The following EPHA7 variants were observed in gnomAD, a reference collection of about 807,000 sequenced individuals.
The protein encoded by EPHA7 is ephrin type-A receptor 7.
In EPHA7, 25 loss-of-function variants were observed where a neutral mutation model predicts 112.6. The ratio of observed to expected loss-of-function variants is 0.22; its 90% confidence interval spans 0.16 to 0.31. EPHA7 has a LOEUF of 0.31. Among genes scored for constraint, EPHA7 ranks in the 10% least tolerant of loss-of-function variants. EPHA7 has a pLI of 1.00. For synonymous variants in EPHA7, 437 were observed against 406.5 expected (o/e 1.07, Z -0.90); for missense variants, 962 against 1,212.6 (o/e 0.79, Z 3.07).
At chr6:93,369,871 T>A (rs535719001) in intron 3 of EPHA7, among the ~76,000 whole-genome samples, 4 of 152,172 alleles carry the variant, frequency 2.6e-5, no homozygotes, top group Non-Finnish European at 1.5e-5. Context: ...GTTAATTCAC[T>A]GACACCACTT....
intron 5 of EPHA7, among the ~76,000 whole-genome samples, chr6:93,303,418 T>A (rs886879236): frequency 2.0e-5 from 3 of 151,792 alleles, no homozygotes; most frequent in African/African-American, 7.3e-5. Flanking sequence ...GGGAAGGGGG[T>A]AGATAGAAAA....
At chr6:93,403,383 A>G (rs1375005905) in intron 3 of EPHA7, among the ~76,000 whole-genome samples, 1 of 151,552 alleles carries the variant, frequency 6.6e-6, no homozygotes, top group Non-Finnish European at 1.5e-5. Flanking sequence ...CACAAGGCTT[A>G]GCTGTTTAAA....
intron 3 of EPHA7, among the ~76,000 whole-genome samples, chr6:93,359,841 G>C (rs933677154): frequency 7.8e-6 from 1 of 128,548 alleles, no homozygotes; most frequent in Non-Finnish European, 1.7e-5. Flanking sequence ...TAGATCCATC[G>C]ATCAATAGAT....
chr6:93,333,417 T>C (rs1381392462), intron 5 of EPHA7, among the ~76,000 whole-genome samples: 1 of 151,956 alleles, frequency 6.6e-6, no homozygotes, highest in Non-Finnish European at 1.5e-5. Flanking sequence ...ATGGAATTGT[T>C]GGATCAAATG....
In EPHA7 at chr6:93,307,154, G is replaced by T. The variant is rs1036098444; in HGVS notation, c.1325-34732C>A. ...TCTTTATAAAGAATATTTAAATAAT[G>T]ATACCAATTATTGCATCAACCAAAT... is the stretch of plus-strand genomic sequence containing the variant. On this transcript the variant is annotated intron_variant, in intron 5 of 16. Coordinates refer to ENST00000369303, the MANE Select transcript of EPHA7 (RefSeq NM_004440.4). 1.9e-3 allele frequency among the ~76,000 whole-genome samples: 290 copies of T among 151,838 alleles called. 3 individuals are homozygous for T. The highest frequency in any genetic ancestry group is 6.8e-3 in the African/African-American group (280 of 41,464).
chr6:93,261,949 C>T (rs1412662170), intron 9 of EPHA7, among the ~76,000 whole-genome samples: 1 of 151,312 alleles, frequency 6.6e-6, no homozygotes, highest in Non-Finnish European at 1.5e-5. Flanking sequence ...CATTAACCTG[C>T]AAGTTAAAAG....
At chr6:93,246,754 A>G (rs1219189303) in intron 15 of EPHA7, 38 bp downstream of exon 15, 1 of 1,534,708 alleles carries the variant, frequency 6.5e-7, no homozygotes, top group Admixed American at 1.7e-5. Context: ...TTACTATTGT[A>G]ATTTCTCCCA....
In EPHA7 at chr6:93,264,714, G is replaced by A. The variant is rs757881390; in HGVS notation, c.1634-12C>T. 1 of 1,536,102 alleles carries A rather than the reference G, an allele frequency of 6.5e-7. No homozygotes were observed. Among genetic ancestry groups the A allele is most frequent in the Non-Finnish European group, 8.9e-7 (1 of 1,126,792 alleles). ...GGAGACAGCTGTAGCTGTAAACAGA[G>A]GAAATAGGCTCAGAAATACTTGACA... On this transcript the variant is annotated splice_polypyrimidine_tract_variant and intron_variant, in intron 7 of 16. Transcript: ENST00000369303.
chr6:93,409,905 T>C (rs1778892787), intron 3 of EPHA7: 1 of 81,438 alleles, frequency 1.2e-5, no homozygotes, highest in Non-Finnish European at 2.2e-5. Context: ...TGGTACTTAG[T>C]CCAAAAAAAA....
intron 9 of EPHA7, among the ~76,000 whole-genome samples, chr6:93,261,199 T>G (rs1237999429): frequency 6.6e-6 from 1 of 151,618 alleles, no homozygotes; most frequent in Non-Finnish European, 1.5e-5. Context: ...ACTAAATTCC[T>G]CCATTGTGTT....
intron 5 of EPHA7, among the ~76,000 whole-genome samples, chr6:93,309,216 T>C (rs1773409868): frequency 6.6e-6 from 1 of 152,232 alleles, no homozygotes; most frequent in South Asian, 2.1e-4. Context: ...CCCAAAGGGC[T>C]GGGATTGCAG....
chr6:93,374,690 C>T (rs2127963880), intron 3 of EPHA7, among the ~76,000 whole-genome samples: 1 of 152,286 alleles, frequency 6.6e-6, no homozygotes, highest in East Asian at 1.9e-4. Context: ...TGGAGCCAAA[C>T]ACCTTGAGTT....
intron 5 of EPHA7, among the ~76,000 whole-genome samples, chr6:93,298,715 A>T (rs752002251): frequency 1.3e-5 from 2 of 152,188 alleles, no homozygotes; most frequent in Non-Finnish European, 2.9e-5. Context: ...GAAAACCAAA[A>T]GACAATGCTC....
At chr6:93,327,862 G>GT (rs371186868) in intron 5 of EPHA7, among the ~76,000 whole-genome samples, 169 of 151,594 alleles carry the variant, frequency 1.1e-3, no homozygotes, top group African/African-American at 4.0e-3. Context: ...TAATGAGATG[G>GT]TTATGAAAGT....
At position 93,386,615 on chromosome 6, in the gene EPHA7, T is replaced by A. The variant is rs115197362; in HGVS notation, c.832+23886A>T. On this transcript the variant is annotated intron_variant, in intron 3 of 16. Transcript: ENST00000369303. ...CCAGCTCCACTAGGCAATGCCCCAGTGGGGAGTCTGTGTGGGAGCTCCAGT... is the reference window on the plus strand; with the variant it reads ...CCAGCTCCACTAGGCAATGCCCCAGAGGGGAGTCTGTGTGGGAGCTCCAGT... 4.1e-3 allele frequency among the ~76,000 whole-genome samples: 630 copies of A among 152,228 alleles called. 3 individuals carry two copies. Among genetic ancestry groups the A allele is most frequent in the African/African-American group, 0.014 (589 of 41,520 alleles).
At position 93,352,012 on chromosome 6, in the gene EPHA7, C is replaced by A. The variant is rs564150353; in HGVS notation, c.1324+4705G>T. ...TGTCATCTAATATCAAATAATAAGT[C>A]TTTTCTATTAATGCCTTAATGGTTT... On this transcript the variant is annotated intron_variant, in intron 5 of 16. Transcript: ENST00000369303. Among the ~76,000 whole-genome samples the A allele has an allele frequency of 5.6e-3, 849 of 152,086 alleles. 4 individuals carry two copies. The highest frequency in any genetic ancestry group is 0.01 in the Middle Eastern group (3 of 294).
At chr6:93,282,525 G>A (rs138027995) in intron 5 of EPHA7, among the ~76,000 whole-genome samples, 4,273 of 152,336 alleles carry the variant, frequency 0.028, 78 homozygotes, top group Middle Eastern at 0.054. Context: ...GCGCCTCCTC[G>A]GCCTTGGCGC....
intron 3 of EPHA7, among the ~76,000 whole-genome samples, chr6:93,373,017 T>C (rs1169324339): frequency 2.0e-5 from 3 of 151,990 alleles, no homozygotes; most frequent in Non-Finnish European, 4.4e-5. Context: ...CAATTTAGAG[T>C]GCATATGTCT....
At chr6:93,299,361 A>G (rs1383912362) in intron 5 of EPHA7, among the ~76,000 whole-genome samples, 2 of 151,488 alleles carry the variant, frequency 1.3e-5, no homozygotes, top group Non-Finnish European at 2.9e-5. Context: ...AATAAAGAAA[A>G]AAAAAAGAAG....
Sources: allele counts gnomAD v4.1 joint callset (sites outside exome capture counted in the v4.1 genomes callset), GRCh38; gene constraint gnomAD v4.1.1; transcripts MANE v1.5; gene names NCBI Gene and HGNC (gene_info 2026-07-23, HGNC 2026-07-21).